The following UPP2 variants were observed in gnomAD, a reference collection of about 807,000 sequenced individuals.
UPP2 encodes the protein uridine phosphorylase 2.
A neutral mutation model predicts 26.7 loss-of-function variants in UPP2; 23 were observed. That is an observed-to-expected ratio of 0.86 (90% CI 0.62 to 1.22). The LOEUF is 1.22. Among genes scored for constraint, UPP2 ranks in the 50% most tolerant of loss-of-function variants. The pLI, the probability that UPP2 is intolerant of heterozygous loss-of-function variation, is 0.00. For missense variants in UPP2, 387 were observed against 396.7 expected, an observed-to-expected ratio of 0.98 and a Z score of 0.21; for synonymous variants, 127 against 141.3, an observed-to-expected ratio of 0.90 and a Z score of 0.72.
At chr2:158,132,290 G>A (rs1451414280) in intron 6 of UPP2, among the ~76,000 whole-genome samples, 3 of 152,216 alleles carry the variant, frequency 2.0e-5, no homozygotes, top group Non-Finnish European at 4.4e-5. Context: ...CGATGGGTCA[G>A]TATAACCGAT....
upstream of UPP2, among the ~76,000 whole-genome samples, chr2:158,097,775 G>A (rs1243855959): frequency 6.6e-6 from 1 of 152,124 alleles, no homozygotes; most frequent in Non-Finnish European, 1.5e-5. Context: ...ATTGTGGAGG[G>A]AAACACCCTC....
intron 4 of UPP2, among the ~76,000 whole-genome samples, chr2:158,118,764 T>G (rs1052340751): frequency 6.6e-6 from 1 of 151,962 alleles, no homozygotes; most frequent in Non-Finnish European, 1.5e-5. Flanking sequence ...GGTGGTAGAA[T>G]TAGACATTTA....
chr2:158,068,642 G>C (rs1682475916), intron 3 of UPP2, among the ~76,000 whole-genome samples: 2 of 151,094 alleles, frequency 1.3e-5, no homozygotes, highest in African/African-American at 4.9e-5. Flanking sequence ...CACACGCTCA[G>C]ATGCTTGTGT....
chr2:158,019,817 G>C (rs1190306544), intron 3 of UPP2, among the ~76,000 whole-genome samples: 1 of 152,020 alleles, frequency 6.6e-6, no homozygotes, highest in East Asian at 1.9e-4. Context: ...TTAAGACAAA[G>C]AACTAGCATG....
At chr2:158,109,227 C>T (rs929796986) in intron 2 of UPP2, among the ~76,000 whole-genome samples, 3 of 152,010 alleles carry the variant, frequency 2.0e-5, no homozygotes, top group Non-Finnish European at 4.4e-5. Flanking sequence ...ATTATTAATA[C>T]CATTATCTTC....
intron 3 of UPP2, among the ~76,000 whole-genome samples, chr2:158,053,575 C>T (rs1682193039): frequency 6.6e-6 from 1 of 152,152 alleles, no homozygotes; most frequent in Non-Finnish European, 1.5e-5. Flanking sequence ...ATTCGTAGAA[C>T]AAGCAAATGG....
rs1558932058 is a variant in UPP2 at position 158,104,938 on chromosome 2, AAGGGAAGGGAAGGGAAGGGAAGG to A, written c.63-1160_63-1138del. Among the ~76,000 whole-genome samples the A allele has an allele frequency of 1.2e-3, 55 of 46,240 alleles. 2 individuals are homozygous for A. The highest frequency in any genetic ancestry group is 0.021 in the Middle Eastern group (2 of 94). 30.3% of individuals were successfully genotyped at this position (46,240 alleles called of 152,430 possible). On this transcript the variant is annotated intron_variant, in intron 1 of 6. Coordinates refer to ENST00000005756, the MANE Select transcript of UPP2 (RefSeq NM_173355.4). ...TCTGAAAGGGAAGGGAAGGGAAGGG[AAGGGAAGGGAAGGGAAGGGAAGG>A]GAAGGGAAGGGAAGGGAAGAGAAGG...
At chr2:158,083,867 T>TATATATATATATATATATATATATA (rs1553467792) in intron 3 of UPP2, among the ~76,000 whole-genome samples, 15 of 145,868 alleles carry the variant, frequency 1.0e-4, no homozygotes, top group African/African-American at 3.8e-4. Context: ...TATATGTTTT[T>TATATATATATATATATATATATATA]TATATATATA....
intron 3 of UPP2, among the ~76,000 whole-genome samples, chr2:158,063,759 C>G (rs1231727812): frequency 6.6e-6 from 1 of 152,168 alleles, no homozygotes; most frequent in South Asian, 2.1e-4. Context: ...CCTCCACCCC[C>G]CGACAGGTCT....
intron 3 of UPP2, among the ~76,000 whole-genome samples, chr2:158,038,972 C>T (rs1684045650): frequency 6.6e-6 from 1 of 152,228 alleles, no homozygotes; most frequent in African/African-American, 2.4e-5. Flanking sequence ...CTACACACCG[C>T]ACTGAGGAGA....
At chr2:158,072,277 T>C (rs1574275161) in intron 3 of UPP2, among the ~76,000 whole-genome samples, 1 of 151,898 alleles carries the variant, frequency 6.6e-6, no homozygotes, top group African/African-American at 2.4e-5. Context: ...AGGAAAGACT[T>C]TGTTTTGTGG....
At chr2:158,128,752 C>A (rs1180356771) in intron 6 of UPP2, among the ~76,000 whole-genome samples, 1 of 152,124 alleles carries the variant, frequency 6.6e-6, no homozygotes, top group Non-Finnish European at 1.5e-5. Flanking sequence ...AAAATGTGCA[C>A]CACTAAAAGT....
At chr2:158,119,946 G>A (rs1414088228) in intron 4 of UPP2, among the ~76,000 whole-genome samples, 2 of 151,070 alleles carry the variant, frequency 1.3e-5, no homozygotes, top group Non-Finnish European at 3.0e-5. Context: ...TGGAGGCAGA[G>A]ACTGCAGTGA....
chr2:158,000,559 G>T (rs1239249706), intron 2 of UPP2, among the ~76,000 whole-genome samples: 2 of 152,098 alleles, frequency 1.3e-5, no homozygotes, highest in Non-Finnish European at 2.9e-5. Context: ...ATGATTTCTT[G>T]CTGGAGATGG....
intron 3 of UPP2, among the ~76,000 whole-genome samples, chr2:158,071,836 T>C (rs1485234409): frequency 6.6e-6 from 1 of 152,158 alleles, no homozygotes; most frequent in Non-Finnish European, 1.5e-5. Flanking sequence ...TAAGGTAGTA[T>C]GCAGTGGGTC....
chr2:158,026,396 G>A (rs1421737541), intron 3 of UPP2, among the ~76,000 whole-genome samples: 2 of 152,116 alleles, frequency 1.3e-5, no homozygotes, highest in Non-Finnish European at 2.9e-5. Context: ...TCCTTTGGTT[G>A]TTCTCTGATC....
At chr2:158,000,868 C>A (rs1399683645) in intron 2 of UPP2, among the ~76,000 whole-genome samples, 1 of 152,192 alleles carries the variant, frequency 6.6e-6, no homozygotes, top group Non-Finnish European at 1.5e-5. Context: ...ATCAATTCAC[C>A]CAGTTTCCTC....
intron 3 of UPP2, among the ~76,000 whole-genome samples, chr2:158,080,355 T>C (rs1277019361): frequency 6.6e-6 from 1 of 152,166 alleles, no homozygotes; most frequent in African/African-American, 2.4e-5. Context: ...CATTTGGCTT[T>C]AAAACAATTA....
chr2:158,065,221 T>C (rs760916527), intron 3 of UPP2, among the ~76,000 whole-genome samples: 2 of 152,214 alleles, frequency 1.3e-5, no homozygotes, highest in Non-Finnish European at 2.9e-5. Flanking sequence ...AGAAATTCAT[T>C]ACTACTCTAC....
Sources: gnomAD v4.1 joint callset for allele counts (sites outside exome capture counted in the v4.1 genomes callset) on GRCh38, gnomAD v4.1.1 for gene constraint, MANE v1.5 for transcripts, NCBI Gene and HGNC (gene_info 2026-07-23, HGNC 2026-07-21) for gene names.